Variants in TRPC4 observed in about 807,000 individuals in gnomAD.
TRPC4 encodes the protein short transient receptor potential channel 4.
A neutral mutation model predicts 99.4 loss-of-function variants in TRPC4; 49 were observed. The observed-to-expected ratio is 0.49, with a 90% CI of 0.39 to 0.63. TRPC4 has a LOEUF of 0.63. Ranked by LOEUF, TRPC4 falls within the 20% of genes least tolerant of loss-of-function variation. The probability of loss-of-function intolerance (pLI) is 0.00; values close to 1 mark genes in which losing one functional copy is unlikely to be tolerated. For synonymous variants in TRPC4, 454 were observed against 425.9 expected, an observed-to-expected ratio of 1.07 and a Z score of -0.81; for missense variants, 898 against 1,152.9, an observed-to-expected ratio of 0.78 and a Z score of 3.20.
Position 37,674,329 on chromosome 13 carries a change from C to T in TRPC4, c.1273G>A (p.Gly425Arg). 1.2e-6 allele frequency: 2 copies of T among 1,607,082 alleles called. No individual in the cohort carries two copies. Among genetic ancestry groups the T allele is most frequent in the Non-Finnish European group, 8.5e-7 (1 of 1,177,914 alleles). ...CAATCATGGATGTAGTCCTGAAGTCCGCCATCCCACATCTGTTTAATTTCT... is the reference window on the plus strand; with the variant it reads ...CAATCATGGATGTAGTCCTGAAGTCTGCCATCCCACATCTGTTTAATTTCT... ...WGEIKQMWDG[G>R]LQDYIHDWWN... The change falls in exon 5 of 11, where the codon GGA becomes AGA. Residue 425 changes from glycine to arginine, a missense_variant. This residue lies in a region of TRPC4 where 274 missense variants were observed against 454.9 expected (regional missense o/e 0.60). Transcript: ENST00000379705.
At chr13:37,856,817 C>T (rs1278333280) in intron 1 of TRPC4, among the ~76,000 whole-genome samples, 1 of 151,548 alleles carries the variant, frequency 6.6e-6, no homozygotes, top group African/African-American at 2.4e-5. Context: ...TCAATTGATT[C>T]TGAAAAAGTA....
At chr13:37,842,322 C>A (rs1593300530) in intron 1 of TRPC4, among the ~76,000 whole-genome samples, 1 of 44,342 alleles carries the variant, frequency 2.3e-5, no homozygotes. Context: ...TGGTTTCTAG[C>A]AATTAATGAT....
chr13:37,853,600 TG>T (rs1416150309), intron 1 of TRPC4, among the ~76,000 whole-genome samples: 3 of 152,228 alleles, frequency 2.0e-5, no homozygotes, highest in Admixed American at 6.5e-5. Flanking sequence ...GGACCAATCT[TG>T]GAGAAACAGA....
intron 6 of TRPC4, among the ~76,000 whole-genome samples, chr13:37,662,260 A>C (rs2138682934): frequency 6.6e-6 from 1 of 152,234 alleles, no homozygotes; most frequent in African/African-American, 2.4e-5. Context: ...CAGTGAGCCA[A>C]GATCACACCA....
At position 37,637,077 on chromosome 13, in the gene TRPC4, C is replaced by G; in HGVS notation, c.2760G>C (p.Gly920=). ...DHRERNTDTL[G]LQVGKRVCPF... is the part of the protein sequence containing the mutation. ...GACACACTCTCTTTCCTACCTGTAACCCCAGTGTGTCCGTATTCCTTTCTC... is the reference window on the plus strand; with the variant it reads ...GACACACTCTCTTTCCTACCTGTAAGCCCAGTGTGTCCGTATTCCTTTCTC... Residue 920 remains glycine, a synonymous_variant, in exon 11 of 11, where the codon GGG becomes GGC. Coordinates refer to ENST00000379705, the MANE Select transcript of TRPC4 (RefSeq NM_016179.4). 1 of 1,613,732 alleles carries G rather than the reference C, an allele frequency of 6.2e-7. No individual in the cohort carries two copies. Among genetic ancestry groups the G allele is most frequent in the Non-Finnish European group, 8.5e-7 (1 of 1,179,780 alleles).
At chr13:37,663,803 A>G in intron 5 of TRPC4, 74 bp from the exon 6 acceptor site, 1 of 1,308,146 alleles carries the variant, frequency 7.6e-7, no homozygotes. Context: ...CAGACCCAGA[A>G]GGAAAACTAT....
rs1951451761 is a variant in TRPC4, at chr13:37,634,037, TC to T, written c.*2865del. Reference sequence around the variant, plus strand: ...CCTGCTAGTCTATTAAACTGAATTTTCAACACACTCCTTCACCTAACTCAGA... The same window carrying T: ...CCTGCTAGTCTATTAAACTGAATTTTAACACACTCCTTCACCTAACTCAGA... On this transcript the variant is annotated 3_prime_UTR_variant, in exon 11 of 11. Transcript: ENST00000379705. Among the ~76,000 whole-genome samples the T allele has an allele frequency of 6.6e-6, 1 of 152,062 alleles. No individual in the cohort carries two copies. Among genetic ancestry groups the T allele is most frequent in the East Asian group, 1.9e-4 (1 of 5,190 alleles).
At chr13:37,673,854 C>T (rs1027086240) in intron 5 of TRPC4, among the ~76,000 whole-genome samples, 1 of 152,060 alleles carries the variant, frequency 6.6e-6, no homozygotes, top group Non-Finnish European at 1.5e-5. Flanking sequence ...GAAATTTTAT[C>T]TATTAGTTAT....
At chr13:37,682,337 T>G (rs1953277203) in intron 4 of TRPC4, among the ~76,000 whole-genome samples, 1 of 152,212 alleles carries the variant, frequency 6.6e-6, no homozygotes. Context: ...GCTGGAGTTT[T>G]GTATTGTTTT....
At chr13:37,745,459 TATATATATATATATACACAC>T (rs59512594) in intron 3 of TRPC4, among the ~76,000 whole-genome samples, 48,134 of 86,782 alleles carry the variant, frequency 0.55, 10,704 homozygotes, top group Non-Finnish European at 0.61. Flanking sequence ...TATATATATA[TATATATATATATATACACAC>T]ACACACACAC....
At chr13:37,844,709 T>C (rs1049262821) in intron 1 of TRPC4, among the ~76,000 whole-genome samples, 1 of 152,086 alleles carries the variant, frequency 6.6e-6, no homozygotes, top group Non-Finnish European at 1.5e-5. Flanking sequence ...TACCCGTGAA[T>C]AGATCATCTA....
intron 6 of TRPC4, among the ~76,000 whole-genome samples, chr13:37,658,504 C>A (rs1325640725): frequency 6.6e-6 from 1 of 152,050 alleles, no homozygotes; most frequent in Non-Finnish European, 1.5e-5. Context: ...ATAAAAAATT[C>A]ATCTGAATAT....
intron 1 of TRPC4, among the ~76,000 whole-genome samples, chr13:37,814,571 G>T (rs956821232): frequency 6.6e-6 from 1 of 151,704 alleles, no homozygotes. Context: ...ACATCAAAAA[G>T]ATTAAAATAT....
chr13:37,764,434 TTA>T (rs1956303659), intron 2 of TRPC4, among the ~76,000 whole-genome samples: 1 of 150,914 alleles, frequency 6.6e-6, no homozygotes, highest in Non-Finnish European at 1.5e-5. Flanking sequence ...TATTAATATT[TTA>T]TGTTATGACT....
At chr13:37,678,135 AAATATACAGCTCTGAAT>A (rs59123208) in intron 4 of TRPC4, among the ~76,000 whole-genome samples, 51,714 of 151,874 alleles carry the variant, frequency 0.34, 9,155 homozygotes, top group African/African-American at 0.37. Context: ...TGCTTAGAGG[AAATATACAGCTCTGAAT>A]GCTTTATCAA....
At chr13:37,637,652 C>A in intron 10 of TRPC4, 27 bp from the exon 11 acceptor site, 2 of 1,541,458 alleles carry the variant, frequency 1.3e-6, no homozygotes, top group East Asian at 2.3e-5. Flanking sequence ...ATGAAAAATT[C>A]GGTTATGACT....
At chr13:37,716,418 A>G (rs978457016) in intron 3 of TRPC4, among the ~76,000 whole-genome samples, 2 of 152,178 alleles carry the variant, frequency 1.3e-5, no homozygotes, top group African/African-American at 4.8e-5. Flanking sequence ...TTTCATACCA[A>G]CTGTTCATTA....
At chr13:37,659,719 G>T (rs1952364888) in intron 6 of TRPC4, among the ~76,000 whole-genome samples, 1 of 152,154 alleles carries the variant, frequency 6.6e-6, no homozygotes, top group African/African-American at 2.4e-5. Flanking sequence ...TTGGGCATCA[G>T]TGGAGAGCAA....
rs1444590617 is a variant in TRPC4, at chr13:37,652,117, C to T, written c.1885-658G>A. On this transcript the variant is annotated intron_variant, in intron 7 of 10. Transcript: ENST00000379705. ...AGGCTATCCCCTTCATCATGTATTA[C>T]TCACTCCACTTTATTAACCTCCTGA... 1.3e-5 allele frequency among the ~76,000 whole-genome samples: 2 copies of T among 152,208 alleles called. 1 individual carries two copies. The highest frequency in any genetic ancestry group is 2.9e-5 in the Non-Finnish European group (2 of 68,032).
Sources: gnomAD v4.1 joint callset for allele counts (sites outside exome capture counted in the v4.1 genomes callset) on GRCh38, gnomAD v4.1.1 for gene constraint, gnomAD v4.1.1 regional missense constraint, MANE v1.5 for transcripts, NCBI Gene and HGNC (gene_info 2026-07-23, HGNC 2026-07-21) for gene names.